Variants in DCC observed in about 807,000 individuals in gnomAD.
DCC encodes netrin receptor DCC.
DCC carries 58 observed loss-of-function variants against 172.5 expected under a neutral mutation model. That is an observed-to-expected ratio of 0.34 (90% CI 0.27 to 0.42). The LOEUF (loss-of-function observed/expected upper bound fraction) is 0.42. Among genes scored for constraint, DCC ranks in the 10% least tolerant of loss-of-function variants. DCC has a pLI of 1.00. For synonymous variants in DCC, 709 were observed against 644.5 expected, an observed-to-expected ratio of 1.10 and a Z score of -1.52; for missense variants, 1,740 against 1,791.0, an observed-to-expected ratio of 0.97 and a Z score of 0.51.
chr18:52,930,927 T>C (rs983654828), intron 5 of DCC, among the ~76,000 whole-genome samples: 5 of 152,124 alleles, frequency 3.3e-5, no homozygotes, highest in Non-Finnish European at 7.4e-5. Context: ...ATGGATTACA[T>C]GTTGAATGTT....
chr18:53,086,518 T>TTTC lies in DCC; in HGVS notation c.1261+20359_1261+20361dup, dbSNP rs1194982088. 1.1e-4 allele frequency among the ~76,000 whole-genome samples: 6 copies of TTTC among 53,444 alleles called. 1 individual carries two copies. Among genetic ancestry groups the TTTC allele is most frequent in the African/African-American group, 8.9e-4 (4 of 4,504 alleles). The allele number at this position is 53,444 out of a possible 152,430, so 35.1% of individuals were successfully genotyped here. ...TCTTCTTCCTTTCTTCTTCTTCTTC[T>TTTC]TTCTTCTTCCTTCTTCTTCTTCTTC... On this transcript the variant is annotated intron_variant, in intron 7 of 28. Coordinates refer to ENST00000442544, the MANE Select transcript of DCC (RefSeq NM_005215.4).
At chr18:52,427,841 TTCCTTCCTTC>T in intron 1 of DCC, among the ~76,000 whole-genome samples, 1 of 72,142 alleles carries the variant, frequency 1.4e-5, no homozygotes, top group African/African-American at 4.0e-5. Context: ...CCTTTCTTCC[TTCCTTCCTTC>T]CTTCCTTCCT....
chr18:53,256,938 A>G (rs981547249), intron 12 of DCC, among the ~76,000 whole-genome samples: 1 of 152,098 alleles, frequency 6.6e-6, no homozygotes, highest in African/African-American at 2.4e-5. Flanking sequence ...ATCCCTTGTA[A>G]GTTGTATTCC....
chr18:52,459,456 T>TTTTC (rs113006148), intron 1 of DCC, among the ~76,000 whole-genome samples: 2,280 of 151,112 alleles, frequency 0.015, 57 homozygotes, highest in Admixed American at 0.067. Flanking sequence ...CAGTATTTGG[T>TTTTC]TTTCTTTCTT....
At chr18:52,820,802 A>G (rs1003504304) in intron 2 of DCC, among the ~76,000 whole-genome samples, 2 of 152,188 alleles carry the variant, frequency 1.3e-5, no homozygotes, top group Non-Finnish European at 2.9e-5. Context: ...GTCTAACCTC[A>G]GAGACACTAG....
intron 7 of DCC, among the ~76,000 whole-genome samples, chr18:53,149,492 G>C (rs1245285919): frequency 6.6e-6 from 1 of 152,188 alleles, no homozygotes; most frequent in South Asian, 2.1e-4. Context: ...CAGTTCGCTA[G>C]TCAAATCTAT....
intron 1 of DCC, among the ~76,000 whole-genome samples, chr18:52,479,166 C>T (rs548426369): frequency 6.6e-6 from 1 of 152,286 alleles, no homozygotes; most frequent in South Asian, 2.1e-4. Flanking sequence ...CATATTAGTA[C>T]AGCAACTGGC....
chr18:53,175,012 C>G (rs11082971), intron 8 of DCC, among the ~76,000 whole-genome samples: 46,629 of 151,200 alleles, frequency 0.31, 8,985 homozygotes, highest in East Asian at 0.58. Context: ...GGATGCAAGG[C>G]TGGTTCAATA....
chr18:53,529,198 A>G (rs1318590292), intron 28 of DCC, among the ~76,000 whole-genome samples: 1 of 152,150 alleles, frequency 6.6e-6, no homozygotes, highest in Non-Finnish European at 1.5e-5. Context: ...TGAGATTTCT[A>G]TAGGAAGCTC....
chr18:52,385,664 A>G (rs888182048), intron 1 of DCC, among the ~76,000 whole-genome samples: 4 of 142,696 alleles, frequency 2.8e-5, no homozygotes, highest in Admixed American at 2.8e-4. Context: ...AGTAGTAGTA[A>G]TTAGTGATAT....
intron 1 of DCC, among the ~76,000 whole-genome samples, chr18:52,744,385 A>G (rs914588120): frequency 6.6e-6 from 1 of 152,160 alleles, no homozygotes; most frequent in African/African-American, 2.4e-5. Context: ...TTCCCATAGT[A>G]AAATGTATAT....
chr18:53,533,520 G>A lies in DCC; in HGVS notation c.*2867G>A, dbSNP rs931085258. ...TTTTCTTTAAATTTCACCCTAATAAGAAAGCTATTTTCTCTCCTCTGCAGA... is the reference window on the plus strand; with the variant it reads ...TTTTCTTTAAATTTCACCCTAATAAAAAAGCTATTTTCTCTCCTCTGCAGA... On this transcript the variant is annotated 3_prime_UTR_variant, in exon 29 of 29. Coordinates refer to ENST00000442544, the MANE Select transcript of DCC (RefSeq NM_005215.4). 1 of 151,960 alleles carries A rather than the reference G, an allele frequency of 6.6e-6. No homozygotes were observed. Among genetic ancestry groups the A allele is most frequent in the Non-Finnish European group, 1.5e-5 (1 of 67,988 alleles). 9.4% of individuals were successfully genotyped at this position (151,960 alleles called of 1,614,324 possible).
chr18:52,569,787 T>C (rs769773083), intron 1 of DCC, among the ~76,000 whole-genome samples: 1 of 152,190 alleles, frequency 6.6e-6, no homozygotes, highest in African/African-American at 2.4e-5. Context: ...ATTTATGTTA[T>C]AGCTAGAGAA....
chr18:52,594,376 C>T (rs941573284), intron 1 of DCC, among the ~76,000 whole-genome samples: 2 of 152,100 alleles, frequency 1.3e-5, no homozygotes, highest in Non-Finnish European at 2.9e-5. Flanking sequence ...TCCCTGAGTC[C>T]TCCTCTTAGT....
At chr18:53,311,710 C>A (rs1180046928) in intron 13 of DCC, among the ~76,000 whole-genome samples, 1 of 152,080 alleles carries the variant, frequency 6.6e-6, no homozygotes, top group East Asian at 1.9e-4. Flanking sequence ...ATGCTAAAAG[C>A]TATATGTGTG....
chr18:53,433,713 T>A (rs150498988), intron 21 of DCC, among the ~76,000 whole-genome samples: 2 of 152,160 alleles, frequency 1.3e-5, no homozygotes, highest in Non-Finnish European at 2.9e-5. Context: ...CACATTTTTG[T>A]CAGCCCACTA....
intron 2 of DCC, among the ~76,000 whole-genome samples, chr18:52,903,391 G>C (rs906452213): frequency 2.0e-5 from 3 of 151,960 alleles, no homozygotes; most frequent in African/African-American, 7.2e-5. Context: ...ATTTCTTGTA[G>C]CGACAGCGTT....
At chr18:53,255,355 TCCCTCCC>T (rs1255420345) in intron 12 of DCC, among the ~76,000 whole-genome samples, 3 of 116,036 alleles carry the variant, frequency 2.6e-5, no homozygotes, top group African/African-American at 9.9e-5. Flanking sequence ...CCTAATGCTA[TCCCTCCC>T]CCCTCCCCCC....
intron 1 of DCC, among the ~76,000 whole-genome samples, chr18:52,445,275 A>G (rs955125236): frequency 6.6e-6 from 1 of 152,202 alleles, no homozygotes; most frequent in Non-Finnish European, 1.5e-5. Flanking sequence ...ATAATTTCCA[A>G]TGAAAGCAGT....
Sources: gnomAD v4.1 joint callset for allele counts (sites outside exome capture counted in the v4.1 genomes callset) on GRCh38, gnomAD v4.1.1 for gene constraint, MANE v1.5 for transcripts, NCBI Gene and HGNC (gene_info 2026-07-23, HGNC 2026-07-21) for gene names.